Variants in OTOF observed in about 807,000 individuals in gnomAD.
The protein encoded by OTOF is otoferlin, also known as fer-1-like family member 2.
OTOF carries 218 observed loss-of-function variants against 236.8 expected under a neutral mutation model. The observed-to-expected ratio is 0.92, with a 90% CI of 0.82 to 1.03. The LOEUF is 1.03. Ranked by LOEUF, OTOF falls within the 50% of genes least tolerant of loss-of-function variation. The pLI is 0.00. For synonymous variants in OTOF, 1,041 were observed against 1,072.5 expected, an observed-to-expected ratio of 0.97 and a Z score of 0.57; for missense variants, 2,590 against 2,694.4, an observed-to-expected ratio of 0.96 and a Z score of 0.86.
intron 1 of OTOF, among the ~76,000 whole-genome samples, chr2:26,555,460 G>A (rs534767552): frequency 6.6e-6 from 1 of 152,358 alleles, no homozygotes; most frequent in East Asian, 1.9e-4. Flanking sequence ...GAACAGGGCA[G>A]CACCAGCTTA....
chr2:26,540,212 G>A (rs977733099), intron 1 of OTOF, among the ~76,000 whole-genome samples: 10 of 152,344 alleles, frequency 6.6e-5, no homozygotes, highest in Admixed American at 5.9e-4. Flanking sequence ...GATTATAGGT[G>A]TGAGTCACCG....
intron 5 of OTOF, among the ~76,000 whole-genome samples, chr2:26,507,283 A>G (rs1335123908): frequency 2.0e-5 from 3 of 152,244 alleles, no homozygotes; most frequent in African/African-American, 7.2e-5. Context: ...TGTGATCAGT[A>G]CAGCATGATG....
chr2:26,542,590 C>T (rs1445069000), intron 1 of OTOF, among the ~76,000 whole-genome samples: 1 of 152,200 alleles, frequency 6.6e-6, no homozygotes, highest in East Asian at 1.9e-4. Context: ...TCTGGATATT[C>T]AGAGAGACTG....
Position 26,550,992 on chromosome 2 carries a change from CT to C in OTOF, c.79+7500del, listed in dbSNP as rs373832450. ...CTGCCTGGGATGGAGCCTTTCATGG[CT>C]TTTTTCCCCCCCTTGAGACAGAGTC... On this transcript the variant is annotated intron_variant, in intron 1 of 46. Transcript: ENST00000272371. 2.5e-3 allele frequency among the ~76,000 whole-genome samples: 376 copies of C among 152,150 alleles called. 1 individual carries two copies. Among genetic ancestry groups the C allele is most frequent in the African/African-American group, 8.8e-3 (364 of 41,562 alleles).
chr2:26,489,065 G>A lies in OTOF; in HGVS notation c.1045+146C>T, dbSNP rs556290149. The A allele has an allele frequency of 7.8e-5, 55 of 709,292 alleles. No homozygotes were observed. The African/African-American group carries it at 9.0e-4, about 12-fold the overall frequency. The allele number at this position is 709,292 out of a possible 1,614,324, so 43.9% of individuals were successfully genotyped here. On this transcript the variant is annotated intron_variant, in intron 11 of 46. Transcript: ENST00000272371. Reference sequence around the variant, plus strand: ...AGACTGTGCGCGCCACTTCTCCGCAGGCCAGATGGCTGTGTGTACTAACAG... The same window carrying A: ...AGACTGTGCGCGCCACTTCTCCGCAAGCCAGATGGCTGTGTGTACTAACAG...
At position 26,505,149 on chromosome 2, in the gene OTOF, CA is replaced by C. The variant is rs1475221999; in HGVS notation, c.510-1305del. Among the ~76,000 whole-genome samples the C allele has an allele frequency of 3.3e-5, 5 of 152,150 alleles. No homozygotes were observed. The East Asian group carries it at 9.6e-4, about 29-fold the overall frequency. ...CTTTCTTTACTGTTCATATGCAGGA[CA>C]AAGCACGTTCATATCCCAGTGAGGG... On this transcript the variant is annotated intron_variant, in intron 5 of 46. Coordinates refer to ENST00000272371, the MANE Select transcript of OTOF (RefSeq NM_194248.3).
intron 5 of OTOF, among the ~76,000 whole-genome samples, chr2:26,508,683 C>T (rs895781961): frequency 3.9e-5 from 6 of 152,218 alleles, no homozygotes; most frequent in Non-Finnish European, 5.9e-5. Context: ...TGAGTTCTTT[C>T]GTGGGTTGAA....
Position 26,503,824 on chromosome 2 carries a change from G to A in OTOF, c.531C>T (p.Ser177=), listed in dbSNP as rs765620419. Residue 177 remains serine, a synonymous_variant, in exon 6 of 47, where the codon TCC becomes TCT. Transcript: ENST00000272371. ...ACCGGTTTTTGCCGAGCTTCATGGC[G>A]GAGAACACGCTCCTCCCGGCTCTGT... ...SFRRAGRSVF[S]AMKLGKNRSH... 3.5e-5 allele frequency: 56 copies of A among 1,614,052 alleles called. No individual in the cohort carries two copies. The highest frequency in any genetic ancestry group is 4.7e-5 in the Non-Finnish European group (55 of 1,180,002).
intron 11 of OTOF, among the ~76,000 whole-genome samples, chr2:26,487,757 A>AG: frequency 1.3e-5 from 2 of 152,332 alleles, no homozygotes; most frequent in Middle Eastern, 3.4e-3. Context: ...GCTTATCCTC[A>AG]GGGATGCCAG....
At chr2:26,480,152 G>GTGGGCCCAGCACTCACC (rs1558488842) in intron 16 of OTOF, 51 bp downstream of exon 16, 3 of 1,054,896 alleles carry the variant, frequency 2.8e-6, no homozygotes, top group Non-Finnish European at 4.5e-6. Context: ...TGAAGCCCCC[G>GTGGGCCCAGCACTCACC]TGGGCCCAGC....
rs1365099831 is a variant in OTOF, at chr2:26,476,049, G to C, written c.2867-11C>G. 2 of 1,612,468 alleles carry C rather than the reference G, an allele frequency of 1.2e-6. No homozygotes were observed. Among genetic ancestry groups the C allele is most frequent in the Non-Finnish European group, 1.7e-6 (2 of 1,179,928 alleles). Reference sequence around the variant, plus strand: ...GGAACGCCTGCTTCTCTGTGGGGAAGGGCAGCCTGAGGTTCCAGGATGGGC... The same window carrying C: ...GGAACGCCTGCTTCTCTGTGGGGAACGGCAGCCTGAGGTTCCAGGATGGGC... On this transcript the variant is annotated splice_polypyrimidine_tract_variant and intron_variant, in intron 23 of 46. Transcript: ENST00000272371.
In OTOF at chr2:26,476,986, C is replaced by T. The variant is rs373770135; in HGVS notation, c.2581G>A (p.Ala861Thr). ...IWMMSNNKRV[A>T]YARVPSKDLL... ...TCCTTGGAGGGCACACGGGCATAGGCGACACGCTTGTTGTTGCTCATCATC... is the reference window on the plus strand; with the variant it reads ...TCCTTGGAGGGCACACGGGCATAGGTGACACGCTTGTTGTTGCTCATCATC... Residue 861 changes from alanine (A) to threonine (T), a missense_variant, in exon 22 of 47, where the codon GCC (alanine) becomes ACC (threonine). Around this residue, in one of 2 missense-constraint regions of OTOF, gnomAD observed 1,379 missense variants for 1,341.6 expected, o/e 1.03. Coordinates refer to ENST00000272371, the MANE Select transcript of OTOF (RefSeq NM_194248.3). The T allele has an allele frequency of 6.2e-7, 1 of 1,611,976 alleles. No homozygotes were observed. The highest frequency in any genetic ancestry group is 8.5e-7 in the Non-Finnish European group (1 of 1,179,628).
At chr2:26,481,588 T>C (rs533067273) in intron 14 of OTOF, among the ~76,000 whole-genome samples, 2 of 152,318 alleles carry the variant, frequency 1.3e-5, no homozygotes, top group African/African-American at 2.4e-5. Flanking sequence ...AACACACTTA[T>C]AGCATTTTAA....
intron 11 of OTOF, among the ~76,000 whole-genome samples, chr2:26,485,968 C>T (rs1665688650): frequency 6.6e-6 from 1 of 152,220 alleles, no homozygotes; most frequent in Non-Finnish European, 1.5e-5. Flanking sequence ...AGCTTCAGGT[C>T]TTGCCAGAGC....
At chr2:26,489,606 C>G in intron 10 of OTOF, 72 bp downstream of exon 10, 1 of 1,308,894 alleles carries the variant, frequency 7.6e-7, no homozygotes, top group Non-Finnish European at 1.1e-6. Flanking sequence ...ACAGAGGGGG[C>G]CCCTCTCAAG....
Position 26,461,777 on chromosome 2 carries a change from C to A in OTOF, c.5452G>T (p.Asp1818Tyr). ...ISKKESMFSWDETEYKIPARL... is the reference protein window; with the variant it reads ...ISKKESMFSWYETEYKIPARL... Reference sequence around the variant, plus strand: ...GCGGGGATCTTGTACTCGGTCTCGTCCCAGGAGAACATGGACTCCTTCTTG... The same window carrying A: ...GCGGGGATCTTGTACTCGGTCTCGTACCAGGAGAACATGGACTCCTTCTTG... The change falls in exon 43 of 47, where the codon GAC (aspartate) becomes TAC (tyrosine). Residue 1818 changes from aspartate to tyrosine, a missense_variant. Asp to Tyr is a radical substitution (Grantham distance 160). Around this residue, in one of 2 missense-constraint regions of OTOF, gnomAD observed 1,211 missense variants for 1,352.8 expected, o/e 0.90. Coordinates refer to ENST00000272371, the MANE Select transcript of OTOF (RefSeq NM_194248.3). This position sits in a 1 kb window ranked among gnomAD's most constrained non-coding sequence, Gnocchi z 6.2. 6.2e-7 allele frequency: 1 copy of A among 1,614,200 alleles called. No individual in the cohort carries two copies. Among genetic ancestry groups the A allele is most frequent in the Non-Finnish European group, 8.5e-7 (1 of 1,180,028 alleles).
At chr2:26,557,743 G>T (rs1667629215) in intron 1 of OTOF, among the ~76,000 whole-genome samples, 1 of 151,614 alleles carries the variant, frequency 6.6e-6, no homozygotes, top group South Asian at 2.1e-4. Flanking sequence ...CACCAGCCTG[G>T]GTGAGGGTGC....
chr2:26,466,714 C>A lies in OTOF; in HGVS notation c.4500G>T (p.Arg1500=). ...GGAGGGAAAGCGACGGGAGTCTCACCCGGACCACATAGACTCGGACCAGCA... is the reference window on the plus strand; with the variant it reads ...GGAGGGAAAGCGACGGGAGTCTCACACGGACCACATAGACTCGGACCAGCA... ...INVLVRVYVV[R]ATDLHPADIN... is the part of the protein sequence containing the mutation. The change falls in exon 36 of 47, where the codon CGG becomes CGT. Residue 1500 remains arginine, a splice_region_variant and synonymous_variant. Coordinates refer to ENST00000272371, the MANE Select transcript of OTOF (RefSeq NM_194248.3). 6.2e-7 allele frequency: 1 copy of A among 1,614,168 alleles called. No homozygotes were observed. Among genetic ancestry groups the A allele is most frequent in the Non-Finnish European group, 8.5e-7 (1 of 1,180,010 alleles).
rs1215425402 is a variant in OTOF, at chr2:26,474,516, C to T, written c.3285G>A (p.Leu1095=). The T allele has an allele frequency of 6.2e-7, 1 of 1,603,722 alleles. No homozygotes were observed. Among genetic ancestry groups the T allele is most frequent in the Non-Finnish European group, 8.5e-7 (1 of 1,175,430 alleles). ...CCCCTCTTCCCTGCAGTCCCACCTG[C>T]AGCAGCTCGAAGGCCGCCAGCAGGT... ...AGDLLAAFEL[L]QIGPAGKADL... The change falls in exon 26 of 47, where the codon CTG becomes CTA. Residue 1095 remains leucine (L), a synonymous_variant. Transcript: ENST00000272371.
Sources: allele counts gnomAD v4.1 joint callset (sites outside exome capture counted in the v4.1 genomes callset), GRCh38; gene constraint gnomAD v4.1.1; regional missense constraint gnomAD v4.1.1; non-coding constraint Gnocchi (gnomAD v3.1); transcripts MANE v1.5; gene names NCBI Gene and HGNC (gene_info 2026-07-23, HGNC 2026-07-21).